The following PCDHGA2 variants were observed in gnomAD, a reference collection of about 807,000 sequenced individuals.
The protein encoded by PCDHGA2 is protocadherin gamma subfamily A, 2.
A neutral mutation model predicts 59.2 loss-of-function variants in PCDHGA2; 40 were observed. The ratio of observed to expected loss-of-function variants is 0.68; its 90% CI spans 0.52 to 0.88. PCDHGA2 has a LOEUF of 0.88. PCDHGA2 is among the 40% of genes least tolerant of loss of function. The probability of loss-of-function intolerance (pLI) is 0.00; values close to 1 mark genes in which losing one functional copy is unlikely to be tolerated. For synonymous variants in PCDHGA2, 560 were observed against 526.0 expected (o/e 1.06, Z -0.89); for missense variants, 1,226 against 1,204.0 (o/e 1.02, Z -0.27).
chr5:141,355,171 A>C (rs1759739774), intron 1 of PCDHGA2: 1 of 1,572,168 alleles, frequency 6.4e-7, no homozygotes, highest in Non-Finnish European at 8.6e-7. Flanking sequence ...GGGAAAACCG[A>C]AGCACAGGCG....
Position 141,431,137 on chromosome 5 carries a change from T to G in PCDHGA2, c.2425-63670T>G. 3 of 1,614,212 alleles carry G rather than the reference T, an allele frequency of 1.9e-6. No individual in the cohort carries two copies. The highest frequency in any genetic ancestry group is 2.2e-5 in the South Asian group (2 of 91,084). On this transcript the variant is annotated intron_variant, in intron 1 of 3. Coordinates refer to ENST00000394576, the MANE Select transcript of PCDHGA2 (RefSeq NM_018915.4). This position sits in a 1 kb window ranked among gnomAD's most constrained non-coding sequence, Gnocchi z 4.8. Reference sequence around the variant, plus strand: ...GAGTAGAAGTAGAAGTAAGGGACATTAACGACAATGCGCCTTACTTTCGTG... The same window carrying G: ...GAGTAGAAGTAGAAGTAAGGGACATGAACGACAATGCGCCTTACTTTCGTG...
At chr5:141,418,348 T>C in intron 1 of PCDHGA2, 4 of 1,613,982 alleles carry the variant, frequency 2.5e-6, no homozygotes, top group Non-Finnish European at 3.4e-6. Context: ...CTGATATTAG[T>C]ATGAATTCGC....
intron 1 of PCDHGA2, chr5:141,344,158 G>C (rs761148064): frequency 4.3e-6 from 7 of 1,613,912 alleles, no homozygotes; most frequent in Non-Finnish European, 5.1e-6. Flanking sequence ...CTAGATAAAG[G>C]TTCCTTCGTG....
chr5:141,341,391 C>A lies in PCDHGA2; in HGVS notation c.2420C>A (p.Ser807Tyr). ...LLEEEREETF[S>Y]QQAPPNTDWR... ...GAAGAAGAAAGAGAAGAAACGTTTT[C>A]TCAGGTAATCTATCTTTTCACAACA... The change falls in exon 1 of 4, where the codon TCT becomes TAT. Residue 807 changes from serine (S) to tyrosine (Y), a missense_variant. Transcript: ENST00000394576. 1.2e-6 allele frequency: 2 copies of A among 1,614,206 alleles called. No homozygotes were observed. The highest frequency in any genetic ancestry group is 1.7e-6 in the Non-Finnish European group (2 of 1,180,046).
Position 141,486,902 on chromosome 5 carries a change from C to T in PCDHGA2, c.2425-7905C>T, listed in dbSNP as rs2099636761. On this transcript the variant is annotated intron_variant, in intron 1 of 3. Transcript: ENST00000394576. This position sits in a 1 kb window ranked among gnomAD's most constrained non-coding sequence, Gnocchi z 5.0. ...TCGGGCCCGGCCTGGTTCCTTATGT[C>T]CCCAAGCACTGCCTCCATCAGTTGG... 1 of 1,614,226 alleles carries T rather than the reference C, an allele frequency of 6.2e-7. No individual in the cohort carries two copies. The highest frequency in any genetic ancestry group is 8.5e-7 in the Non-Finnish European group (1 of 1,180,044).
chr5:141,339,421 C>A lies in PCDHGA2; in HGVS notation c.450C>A (p.Phe150Leu). The A allele has an allele frequency of 1.2e-6, 2 of 1,614,236 alleles. No individual in the cohort carries two copies. Among genetic ancestry groups the A allele is most frequent in the Non-Finnish European group, 1.7e-6 (2 of 1,180,034 alleles). ...TCAGTGAAACCACTACGCCAGGATT[C>A]CGGATTCCTCTTAAGAATGCGCATG... Reference protein sequence around the residue: ...LKISETTTPGFRIPLKNAHDA... With the variant: ...LKISETTTPGLRIPLKNAHDA... The change falls in exon 1 of 4, where the codon TTC becomes TTA. Residue 150 changes from phenylalanine to leucine, a missense_variant. Transcript: ENST00000394576.
chr5:141,364,066 A>C (rs776023906), intron 1 of PCDHGA2, among the ~76,000 whole-genome samples: 1 of 152,216 alleles, frequency 6.6e-6, no homozygotes, highest in Non-Finnish European at 1.5e-5. Flanking sequence ...ATTATAACTA[A>C]ACTTAGGAGA....
intron 1 of PCDHGA2, among the ~76,000 whole-genome samples, chr5:141,369,837 A>G (rs1029246557): frequency 2.6e-5 from 4 of 152,164 alleles, no homozygotes; most frequent in Non-Finnish European, 5.9e-5. Flanking sequence ...ATGATTTTCT[A>G]TGTATTATTT....
Position 141,491,019 on chromosome 5 carries a change from A to G in PCDHGA2, c.2425-3788A>G. 5 of 1,614,116 alleles carry G rather than the reference A, an allele frequency of 3.1e-6. No individual in the cohort carries two copies. The highest frequency in any genetic ancestry group is 4.2e-6 in the Non-Finnish European group (5 of 1,180,026). ...CTGGCTCCTTGGTCACCAAGGTGAC[A>G]GCCGTGGATGCTGATGCAGGCCACA... On this transcript the variant is annotated intron_variant, in intron 1 of 3. Coordinates refer to ENST00000394576, the MANE Select transcript of PCDHGA2 (RefSeq NM_018915.4). This position sits in a 1 kb window ranked among gnomAD's most constrained non-coding sequence, Gnocchi z 6.9.
intron 1 of PCDHGA2, chr5:141,410,783 T>C (rs2095423369): frequency 1.1e-6 from 1 of 919,042 alleles, no homozygotes; most frequent in East Asian, 2.7e-5. Flanking sequence ...ACTATGTATT[T>C]GGTTCATAAG....
Position 141,489,575 on chromosome 5 carries a change from AC to A in PCDHGA2, c.2425-5227del. On this transcript the variant is annotated intron_variant, in intron 1 of 3. Coordinates refer to ENST00000394576, the MANE Select transcript of PCDHGA2 (RefSeq NM_018915.4). This position sits in a 1 kb window ranked among gnomAD's most constrained non-coding sequence, Gnocchi z 4.5. ...CTGCCAGTGCAGGTGGTGACTGAAC[AC>A]CCCCTGGAGCTAATCCGTGTAGAGG... 1 of 1,613,788 alleles carries A rather than the reference AC, an allele frequency of 6.2e-7. No individual in the cohort carries two copies. Among genetic ancestry groups the A allele is most frequent in the Middle Eastern group, 1.6e-4 (1 of 6,062 alleles).
chr5:141,365,179 TGAA>T (rs1323798128), intron 1 of PCDHGA2: 22 of 1,613,762 alleles, frequency 1.4e-5, no homozygotes, highest in Non-Finnish European at 1.9e-5. Context: ...CTTTTCGCAA[TGAA>T]GAAGAAAAAA....
intron 1 of PCDHGA2, chr5:141,351,309 A>C: frequency 6.2e-7 from 1 of 1,613,942 alleles, no homozygotes; most frequent in Non-Finnish European, 8.5e-7. Context: ...TCCTTCTCTA[A>C]CCAGATTCCA....
At chr5:141,417,626 T>A (rs1156653216) in intron 1 of PCDHGA2, 3 of 689,458 alleles carry the variant, frequency 4.4e-6, no homozygotes, top group Non-Finnish European at 6.8e-6. Context: ...GAGCAAGCGC[T>A]GACGCCGGGG....
chr5:141,433,406 T>TC (rs397794347), intron 1 of PCDHGA2, among the ~76,000 whole-genome samples: 446 of 150,100 alleles, frequency 3.0e-3, no homozygotes, highest in African/African-American at 0.01. Context: ...TATCTATCTA[T>TC]TACTTTCTTG....
At chr5:141,352,876 T>C (rs1759133957) in intron 1 of PCDHGA2, among the ~76,000 whole-genome samples, 1 of 152,126 alleles carries the variant, frequency 6.6e-6, no homozygotes, top group African/African-American at 2.4e-5. Context: ...TAGTCCCAGT[T>C]ACTCAGGAAG....
intron 1 of PCDHGA2, chr5:141,421,412 A>T (rs375885183): frequency 4.3e-6 from 7 of 1,613,962 alleles, no homozygotes; most frequent in Non-Finnish European, 5.9e-6. Context: ...GAGCTGGCGA[A>T]GCGCGGAGTC....
chr5:141,477,432 C>T lies in PCDHGA2; in HGVS notation c.2425-17375C>T, dbSNP rs1184041591. 6.2e-7 allele frequency: 1 copy of T among 1,614,186 alleles called. No individual in the cohort carries two copies. Among genetic ancestry groups the T allele is most frequent in the Admixed American group, 1.7e-5 (1 of 60,028 alleles). ...GACGCCGGAACCCCTTCCCTCTCAG[C>T]CCTTACAATAGTGCGTGTTCAAGTG... On this transcript the variant is annotated intron_variant, in intron 1 of 3. Transcript: ENST00000394576. This position sits in a 1 kb window ranked among gnomAD's most constrained non-coding sequence, Gnocchi z 4.9.
At chr5:141,508,760 T>A (rs1004267844) in intron 3 of PCDHGA2, among the ~76,000 whole-genome samples, 17 of 151,522 alleles carry the variant, frequency 1.1e-4, no homozygotes, top group Admixed American at 1.1e-3. Flanking sequence ...CTCTGGCGCC[T>A]CTGAGGTCCC....
Sources: allele counts gnomAD v4.1 joint callset (sites outside exome capture counted in the v4.1 genomes callset), GRCh38; gene constraint gnomAD v4.1.1; non-coding constraint Gnocchi (gnomAD v3.1); transcripts MANE v1.5; gene names NCBI Gene and HGNC (gene_info 2026-07-23, HGNC 2026-07-21).